Variants in SCARB1 observed in about 807,000 individuals in gnomAD.
SCARB1 encodes scavenger receptor class B member 1, also known as CD36 and LIMPII analogous 1.
Under a neutral mutation model 57.2 loss-of-function variants are expected in SCARB1, and 30 were observed. The observed-to-expected ratio is 0.52, with a 90% CI of 0.39 to 0.71. The LOEUF (loss-of-function observed/expected upper bound fraction) is 0.71. Ranked by LOEUF, SCARB1 falls within the 30% of genes least tolerant of loss-of-function variation. SCARB1 has a pLI of 0.00. For synonymous variants in SCARB1, 249 were observed against 268.3 expected (o/e 0.93, Z 0.70); for missense variants, 543 against 671.2 (o/e 0.81, Z 2.11).
chr12:124,806,020 A>C (rs997521006), intron 7 of SCARB1, among the ~76,000 whole-genome samples: 1 of 152,078 alleles, frequency 6.6e-6, no homozygotes, highest in African/African-American at 2.4e-5. Context: ...GCAACCAAGG[A>C]ACTGCCTTTT....
At chr12:124,786,112 C>G in intron 11 of SCARB1, 1 of 1,536,306 alleles carries the variant, frequency 6.5e-7, no homozygotes, top group East Asian at 2.4e-5. Flanking sequence ...CCCACCTGTG[C>G]CCCCTCCAAG....
chr12:124,835,125 T>C (rs1951584312), intron 1 of SCARB1, among the ~76,000 whole-genome samples: 1 of 152,080 alleles, frequency 6.6e-6, no homozygotes, highest in Admixed American at 6.6e-5. Flanking sequence ...GATGAGGCAA[T>C]GTCTGACATG....
intron 7 of SCARB1, among the ~76,000 whole-genome samples, chr12:124,804,539 A>G (rs1594244647): frequency 6.6e-6 from 1 of 152,180 alleles, no homozygotes; most frequent in Non-Finnish European, 1.5e-5. Flanking sequence ...TAGCACACCT[A>G]TTGGGTGTGT....
At chr12:124,851,810 T>C (rs1407817311) in intron 1 of SCARB1, among the ~76,000 whole-genome samples, 3 of 152,066 alleles carry the variant, frequency 2.0e-5, no homozygotes, top group Admixed American at 6.5e-5. Flanking sequence ...TTTCACCATG[T>C]TGGCCAGGCT....
chr12:124,855,635 C>T (rs1037922788), intron 1 of SCARB1, among the ~76,000 whole-genome samples: 9 of 152,140 alleles, frequency 5.9e-5, no homozygotes, highest in Admixed American at 2.6e-4. Flanking sequence ...TTGAATTCTC[C>T]GCACAATTAA....
rs762405986 is a variant in SCARB1 at position 124,817,752 on chromosome 12, G to GCCCC, written c.127-49_127-46dup. On this transcript the variant is annotated intron_variant, in intron 1 of 12. Coordinates refer to ENST00000261693, the MANE Select transcript of SCARB1 (RefSeq NM_005505.5). This position sits in a 1 kb window ranked among gnomAD's most constrained non-coding sequence, Gnocchi z 4.8. ...TACGCTTGTGAGGAGAGTGATGAGG[G>GCCCC]CCCCACGCCCCACCACAAGGCTCCG... The GCCCC allele has an allele frequency of 4.5e-6, 7 of 1,566,164 alleles. No individual in the cohort carries two copies. The highest frequency in any genetic ancestry group is 1.3e-5 in the African/African-American group (1 of 74,086).
chr12:124,848,951 A>C (rs1452812472), intron 1 of SCARB1, among the ~76,000 whole-genome samples: 1 of 152,268 alleles, frequency 6.6e-6, no homozygotes, highest in Non-Finnish European at 1.5e-5. Context: ...GGAAACAGCC[A>C]GCCCTTACTT....
At chr12:124,857,695 C>T (rs573551202) in intron 1 of SCARB1, among the ~76,000 whole-genome samples, 2 of 152,278 alleles carry the variant, frequency 1.3e-5, no homozygotes, top group South Asian at 2.1e-4. Flanking sequence ...CAAAGATGAC[C>T]GAAGGTTTTT....
chr12:124,841,983 G>A (rs1340499887), intron 1 of SCARB1, among the ~76,000 whole-genome samples: 2 of 152,210 alleles, frequency 1.3e-5, no homozygotes, highest in African/African-American at 4.8e-5. Flanking sequence ...TTTGTGAGCA[G>A]TAAACATGGG....
intron 11 of SCARB1, chr12:124,786,123 G>C (rs1949505235): frequency 2.0e-6 from 3 of 1,537,902 alleles, no homozygotes; most frequent in Non-Finnish European, 2.6e-6. Context: ...CCCCTCCAAG[G>C]GAGGGTCCCA....
At chr12:124,806,125 C>T (rs1007003545) in intron 7 of SCARB1, among the ~76,000 whole-genome samples, 6 of 152,120 alleles carry the variant, frequency 3.9e-5, no homozygotes, top group Non-Finnish European at 8.8e-5. Flanking sequence ...GGTAAGGCGG[C>T]AACACTGCAT....
At chr12:124,857,328 C>T (rs1341383945) in intron 1 of SCARB1, among the ~76,000 whole-genome samples, 5 of 152,220 alleles carry the variant, frequency 3.3e-5, no homozygotes, top group Non-Finnish European at 7.3e-5. Flanking sequence ...AGTATCCGGC[C>T]ACAACGAGTG....
rs1374584452 is a variant in SCARB1 at position 124,840,642 on chromosome 12, A to G, written c.127-22935T>C. 3.3e-5 allele frequency among the ~76,000 whole-genome samples: 5 copies of G among 151,944 alleles called. No individual in the cohort carries two copies. In the East Asian group the frequency reaches 7.7e-4, roughly 24 times the overall value. ...TCTCGTCTCGGAAAATGGCTCCACC[A>G]TCTACCAAACTCCTCAAACCTTGAG... On this transcript the variant is annotated intron_variant, in intron 1 of 12. Transcript: ENST00000261693.
chr12:124,826,316 G>C (rs1431225667), intron 1 of SCARB1, among the ~76,000 whole-genome samples: 1 of 139,416 alleles, frequency 7.2e-6, no homozygotes. Context: ...GGGTGACAGA[G>C]CGAGACCCTG....
Position 124,814,850 on chromosome 12 carries a change from C to CCAGG in SCARB1, c.426+119_426+122dup. 7.8e-7 allele frequency: 1 copy of CCAGG among 1,283,506 alleles called. No homozygotes were observed. 79.5% of individuals were successfully genotyped at this position (1,283,506 alleles called of 1,614,324 possible). On this transcript the variant is annotated intron_variant, in intron 3 of 12. Transcript: ENST00000261693. The surrounding 1 kb of genome is among the most constrained non-coding windows in gnomAD (Gnocchi z 4.7). ...ACAGCACAGGGCCGAAAGCCACCCA[C>CCAGG]CAGGCGTGAGTCCCCACGCTCCGAC... is the stretch of plus-strand genomic sequence containing the variant.
At chr12:124,821,285 C>T (rs961548382) in intron 1 of SCARB1, 3 of 646,194 alleles carry the variant, frequency 4.6e-6, no homozygotes, top group African/African-American at 2.0e-5. Flanking sequence ...CACACACACA[C>T]GCAGCCTCAA....
chr12:124,788,992 T>G (rs1212942773), intron 9 of SCARB1, among the ~76,000 whole-genome samples: 1 of 152,146 alleles, frequency 6.6e-6, no homozygotes, highest in East Asian at 1.9e-4. Flanking sequence ...CGGCTGGGGA[T>G]GGCGGGGAGT....
intron 1 of SCARB1, among the ~76,000 whole-genome samples, chr12:124,856,892 C>T (rs1354733200): frequency 3.9e-5 from 6 of 152,242 alleles, no homozygotes; most frequent in African/African-American, 1.4e-4. Flanking sequence ...GATTGGAGAA[C>T]ATGTCCCTGG....
chr12:124,831,798 G>C (rs973211924), intron 1 of SCARB1, among the ~76,000 whole-genome samples: 5 of 152,204 alleles, frequency 3.3e-5, no homozygotes, highest in Admixed American at 2.0e-4. Flanking sequence ...TAATGTGCTG[G>C]GAACAGCCCT....
Sources: gnomAD v4.1 joint callset for allele counts (sites outside exome capture counted in the v4.1 genomes callset) on GRCh38, gnomAD v4.1.1 for gene constraint, Gnocchi (gnomAD v3.1) non-coding constraint, MANE v1.5 for transcripts, NCBI Gene and HGNC (gene_info 2026-07-23, HGNC 2026-07-21) for gene names.